Variants in PAPSS1 observed in about 807,000 individuals in gnomAD.
PAPSS1 encodes 3'-phosphoadenosine 5'-phosphosulfate synthase 1, also known as bifunctional 3'-phosphoadenosine 5'-phosphosulfate synthase 1.
Under a neutral mutation model 72.0 loss-of-function variants are expected in PAPSS1, and 50 were observed. That is an observed-to-expected ratio of 0.69 (90% CI 0.55 to 0.88). PAPSS1 has a LOEUF of 0.88. Ranked by LOEUF, PAPSS1 falls within the 40% of genes least tolerant of loss-of-function variation. The pLI, the probability that PAPSS1 is intolerant of heterozygous loss-of-function variation, is 0.00. For synonymous variants in PAPSS1, 261 were observed against 263.6 expected, an observed-to-expected ratio of 0.99 and a Z score of 0.09; for missense variants, 657 against 782.2, an observed-to-expected ratio of 0.84 and a Z score of 1.91.
intron 1 of PAPSS1, among the ~76,000 whole-genome samples, chr4:107,705,399 C>G (rs560060692): frequency 2.0e-5 from 3 of 152,284 alleles, no homozygotes; most frequent in Admixed American, 2.0e-4. Context: ...AAGTGTGGCA[C>G]TTCCCCCCTT....
chr4:107,617,773 T>C (rs978625523), intron 11 of PAPSS1, among the ~76,000 whole-genome samples: 22 of 152,196 alleles, frequency 1.4e-4, no homozygotes, highest in Non-Finnish European at 3.1e-4. Context: ...AATAAGATGG[T>C]TTGATTCAGA....
intron 9 of PAPSS1, among the ~76,000 whole-genome samples, chr4:107,653,290 G>C (rs773154366): frequency 1.6e-4 from 24 of 151,972 alleles, no homozygotes; most frequent in Non-Finnish European, 3.1e-4. Flanking sequence ...AGCTTCCAGA[G>C]TATTCAAAAT....
At position 107,616,148 on chromosome 4, in the gene PAPSS1, T is replaced by TA. The variant is rs1312064883; in HGVS notation, c.1737-1762dup. Among the ~76,000 whole-genome samples, 34 of 148,248 alleles carry TA rather than the reference T, an allele frequency of 2.3e-4. 1 individual carries two copies. Among genetic ancestry groups the TA allele is most frequent in the Non-Finnish European group, 4.0e-4 (27 of 66,698 alleles). ...TGCCCTATGTAGTCATTGTTGGGGT[T>TA]AAAAAAAAAAGAAGAAATATGCCCA... is the stretch of plus-strand genomic sequence containing the variant. On this transcript the variant is annotated intron_variant, in intron 11 of 11. Transcript: ENST00000265174.
At chr4:107,666,524 AAAGAG>A (rs1727320695) in intron 5 of PAPSS1, among the ~76,000 whole-genome samples, 1 of 152,218 alleles carries the variant, frequency 6.6e-6, no homozygotes, top group Non-Finnish European at 1.5e-5. Flanking sequence ...AGCCACAGTG[AAAGAG>A]AAGGCAACCC....
Position 107,668,278 on chromosome 4 carries a change from C to A in PAPSS1, c.670-8206G>T, listed in dbSNP as rs183135173. 3.3e-5 allele frequency among the ~76,000 whole-genome samples: 5 copies of A among 152,250 alleles called. No homozygotes were observed. In the East Asian group the frequency reaches 9.7e-4, roughly 29 times the overall value. ...AAAATGAAGATAATTATAAATACTT[C>A]TCAATTTCAATGTAAATTAGATGCA... is the stretch of plus-strand genomic sequence containing the variant. On this transcript the variant is annotated intron_variant, in intron 5 of 11. Coordinates refer to ENST00000265174, the MANE Select transcript of PAPSS1 (RefSeq NM_005443.5).
At chr4:107,634,128 C>T (rs1040969530) in intron 10 of PAPSS1, among the ~76,000 whole-genome samples, 1 of 151,934 alleles carries the variant, frequency 6.6e-6, no homozygotes, top group Admixed American at 6.6e-5. Context: ...GGCAATCCTC[C>T]CATCTCAGCC....
At chr4:107,656,407 C>T (rs184225385) in intron 7 of PAPSS1, among the ~76,000 whole-genome samples, 35 of 152,292 alleles carry the variant, frequency 2.3e-4, no homozygotes, top group Admixed American at 2.2e-3. Flanking sequence ...TGAGCCACTG[C>T]GCCTGGCCAA....
At chr4:107,622,803 T>C (rs1726000406) in intron 11 of PAPSS1, among the ~76,000 whole-genome samples, 1 of 152,248 alleles carries the variant, frequency 6.6e-6, no homozygotes, top group Admixed American at 6.5e-5. Flanking sequence ...ACACGAACCC[T>C]TCACTAATTC....
At chr4:107,706,825 C>T (rs1347753318) in intron 1 of PAPSS1, among the ~76,000 whole-genome samples, 1 of 152,234 alleles carries the variant, frequency 6.6e-6, no homozygotes, top group East Asian at 1.9e-4. Flanking sequence ...GGTGCACAGG[C>T]AGGCTTGCTG....
chr4:107,636,394 G>T (rs1422598035), intron 10 of PAPSS1, among the ~76,000 whole-genome samples: 1 of 152,154 alleles, frequency 6.6e-6, no homozygotes, highest in Non-Finnish European at 1.5e-5. Context: ...GGGGAGAAAC[G>T]AAACAAACGT....
intron 7 of PAPSS1, among the ~76,000 whole-genome samples, chr4:107,656,093 T>C (rs141833892): frequency 3.9e-5 from 6 of 152,300 alleles, no homozygotes; most frequent in East Asian, 1.9e-4. Context: ...AATGATTATA[T>C]GTTGGACATC....
chr4:107,692,467 T>C (rs530073646), intron 3 of PAPSS1, among the ~76,000 whole-genome samples: 10 of 152,220 alleles, frequency 6.6e-5, no homozygotes, highest in Admixed American at 1.3e-4. Context: ...ATGGCTGTTA[T>C]TAGAAAATCA....
At chr4:107,636,705 C>G (rs1015512766) in intron 10 of PAPSS1, among the ~76,000 whole-genome samples, 2 of 152,098 alleles carry the variant, frequency 1.3e-5, no homozygotes, top group African/African-American at 4.8e-5. Context: ...CAGGGGAGGA[C>G]AGGAGGACCA....
At chr4:107,639,760 G>T (rs1174794989) in intron 10 of PAPSS1, among the ~76,000 whole-genome samples, 1 of 152,176 alleles carries the variant, frequency 6.6e-6, no homozygotes, top group Admixed American at 6.5e-5. Flanking sequence ...GCTCTTGGAA[G>T]TGTGTAGAGG....
chr4:107,692,773 G>GGT (rs929177179), intron 3 of PAPSS1, among the ~76,000 whole-genome samples: 23 of 146,234 alleles, frequency 1.6e-4, no homozygotes, highest in Middle Eastern at 3.4e-3. Context: ...AAGAAAACAC[G>GGT]GTGTGTATAT....
chr4:107,682,511 G>A (rs182563134), intron 4 of PAPSS1, among the ~76,000 whole-genome samples: 3 of 152,276 alleles, frequency 2.0e-5, no homozygotes, highest in Admixed American at 1.3e-4. Context: ...AGTGCCAGGA[G>A]TACTGATGTG....
intron 9 of PAPSS1, among the ~76,000 whole-genome samples, chr4:107,645,957 G>A (rs976522080): frequency 6.6e-6 from 1 of 152,084 alleles, no homozygotes; most frequent in Non-Finnish European, 1.5e-5. Context: ...GGAAGACTGT[G>A]GCATCCTACT....
intron 11 of PAPSS1, among the ~76,000 whole-genome samples, chr4:107,623,197 A>G (rs1315616170): frequency 6.6e-6 from 1 of 152,204 alleles, no homozygotes; most frequent in Non-Finnish European, 1.5e-5. Flanking sequence ...TACAAACACT[A>G]CAAGTATACT....
chr4:107,692,724 T>C (rs1171767441), intron 3 of PAPSS1, among the ~76,000 whole-genome samples: 1 of 151,668 alleles, frequency 6.6e-6, no homozygotes, highest in South Asian at 2.1e-4. Flanking sequence ...AGCAAAGACA[T>C]AGAATCAACC....
Sources: gnomAD v4.1 joint callset for allele counts (sites outside exome capture counted in the v4.1 genomes callset) on GRCh38, gnomAD v4.1.1 for gene constraint, MANE v1.5 for transcripts, NCBI Gene and HGNC (gene_info 2026-07-23, HGNC 2026-07-21) for gene names.